Variants in SLC35F4 observed in about 807,000 individuals in gnomAD.
SLC35F4 encodes the protein chromosome 14 open reading frame 36.
Under a neutral mutation model 44.2 loss-of-function variants are expected in SLC35F4, and 24 were observed. The observed-to-expected ratio is 0.54, with a 90% confidence interval of 0.39 to 0.76. The LOEUF (loss-of-function observed/expected upper bound fraction) is 0.76, where lower values mean the gene tolerates loss of function less well. Ranked by LOEUF, SLC35F4 falls within the 30% of genes least tolerant of loss-of-function variation. The pLI, the probability that SLC35F4 is intolerant of heterozygous loss-of-function variation, is 0.00. For synonymous variants in SLC35F4, 238 were observed against 223.6 expected, an observed-to-expected ratio of 1.06 and a Z score of -0.57; for missense variants, 562 against 586.1, an observed-to-expected ratio of 0.96 and a Z score of 0.42.
intron 1 of SLC35F4, among the ~76,000 whole-genome samples, chr14:57,736,691 C>T (rs532154369): frequency 7.2e-5 from 11 of 152,322 alleles, no homozygotes; most frequent in Admixed American, 2.6e-4. Flanking sequence ...GACCATGAAC[C>T]TGACCCTTGT....
intron 1 of SLC35F4, among the ~76,000 whole-genome samples, chr14:57,805,485 T>C (rs1275545374): frequency 6.6e-6 from 1 of 152,138 alleles, no homozygotes; most frequent in South Asian, 2.1e-4. Flanking sequence ...TGGATGGAAT[T>C]GGAAGCCATT....
At chr14:57,880,197 C>G (rs1391959916) in intron 1 of SLC35F4, among the ~76,000 whole-genome samples, 1 of 152,072 alleles carries the variant, frequency 6.6e-6, no homozygotes, top group African/African-American at 2.4e-5. Context: ...CAACTTACTT[C>G]CTAGAACTAT....
At chr14:57,792,524 C>T (rs1338720038) in intron 1 of SLC35F4, among the ~76,000 whole-genome samples, 1 of 152,022 alleles carries the variant, frequency 6.6e-6, no homozygotes, top group Non-Finnish European at 1.5e-5. Flanking sequence ...GCCCATCAAC[C>T]AATGAGTGGA....
chr14:57,797,325 T>C (rs531937511), intron 1 of SLC35F4, among the ~76,000 whole-genome samples: 1 of 152,290 alleles, frequency 6.6e-6, no homozygotes, highest in South Asian at 2.1e-4. Context: ...GCATTTCCAA[T>C]GTAGCCAGGC....
chr14:57,717,580 G>C (rs1232156279), intron 1 of SLC35F4, among the ~76,000 whole-genome samples: 2 of 152,198 alleles, frequency 1.3e-5, no homozygotes, highest in Non-Finnish European at 2.9e-5. Context: ...AGCTTGCAGT[G>C]AGCCGAGATC....
intron 1 of SLC35F4, among the ~76,000 whole-genome samples, chr14:57,926,621 T>G (rs1889575862): frequency 6.6e-6 from 1 of 150,818 alleles, no homozygotes; most frequent in Non-Finnish European, 1.5e-5. Flanking sequence ...AAGTGAGGTA[T>G]GAGAAAATCC....
intron 1 of SLC35F4, among the ~76,000 whole-genome samples, chr14:57,925,484 AG>A (rs1889540074): frequency 1.1e-5 from 1 of 87,302 alleles, no homozygotes; most frequent in South Asian, 5.5e-4. Flanking sequence ...GAAAGAAGGA[AG>A]GAAGGAAGGA....
chr14:57,928,714 G>A (rs1384695324), intron 1 of SLC35F4, among the ~76,000 whole-genome samples: 1 of 152,144 alleles, frequency 6.6e-6, no homozygotes, highest in Non-Finnish European at 1.5e-5. Context: ...GTGAAGAAAA[G>A]CAATCAAAAT....
At chr14:57,691,278 A>G (rs1285920409) in intron 1 of SLC35F4, among the ~76,000 whole-genome samples, 3 of 152,228 alleles carry the variant, frequency 2.0e-5, no homozygotes, top group Non-Finnish European at 2.9e-5. Flanking sequence ...ATGAAATGCT[A>G]GTTAACATAT....
chr14:57,654,289 A>T (rs988275936), intron 1 of SLC35F4, among the ~76,000 whole-genome samples: 3 of 152,134 alleles, frequency 2.0e-5, no homozygotes, highest in African/African-American at 7.2e-5. Context: ...TATCATTCTT[A>T]TGCCTTTGCG....
At chr14:57,680,497 C>G (rs908157024) in intron 1 of SLC35F4, among the ~76,000 whole-genome samples, 3 of 152,008 alleles carry the variant, frequency 2.0e-5, no homozygotes, top group African/African-American at 4.8e-5. Flanking sequence ...CACTCCTATT[C>G]AACATATTGG....
At chr14:57,809,234 C>A (rs1247680096) in intron 1 of SLC35F4, among the ~76,000 whole-genome samples, 6 of 152,142 alleles carry the variant, frequency 3.9e-5, no homozygotes, top group Admixed American at 3.9e-4. Context: ...ACAAAGTTTG[C>A]ATGTAAGGGA....
chr14:57,874,358 A>C (rs928807329), intron 1 of SLC35F4, among the ~76,000 whole-genome samples: 1 of 152,236 alleles, frequency 6.6e-6, no homozygotes, highest in South Asian at 2.1e-4. Context: ...TGCTTCTCAG[A>C]GTACCTGTCA....
At chr14:57,793,573 T>C (rs537595810) in intron 1 of SLC35F4, among the ~76,000 whole-genome samples, 48 of 152,298 alleles carry the variant, frequency 3.2e-4, no homozygotes, top group Admixed American at 5.9e-4. Flanking sequence ...CATTATTTAA[T>C]TATTTTTTAT....
chr14:57,568,166 G>A (rs1295647136), intron 6 of SLC35F4, among the ~76,000 whole-genome samples: 1 of 152,196 alleles, frequency 6.6e-6, no homozygotes. Context: ...GGGTGGGCCT[G>A]GTAGAGCAGC....
chr14:57,663,927 A>AT (rs2074222162), intron 1 of SLC35F4, among the ~76,000 whole-genome samples: 1 of 152,124 alleles, frequency 6.6e-6, no homozygotes, highest in South Asian at 2.1e-4. Flanking sequence ...TCCTGTTTTT[A>AT]TTTTTTTGAA....
At chr14:57,785,333 C>T (rs965072250) in intron 1 of SLC35F4, among the ~76,000 whole-genome samples, 1 of 152,066 alleles carries the variant, frequency 6.6e-6, no homozygotes, top group Non-Finnish European at 1.5e-5. Flanking sequence ...GATAGATAAT[C>T]GAGCCCTCCA....
intron 1 of SLC35F4, among the ~76,000 whole-genome samples, chr14:57,775,662 T>C (rs55741236): frequency 0.14 from 21,089 of 152,132 alleles, 1,718 homozygotes; most frequent in Middle Eastern, 0.22. Flanking sequence ...GGAAAGCAAC[T>C]TCAGAGATTG....
Position 57,760,541 on chromosome 14 carries a change from A to G in SLC35F4, c.103+105182T>C, listed in dbSNP as rs187674754. On this transcript the variant is annotated intron_variant, in intron 1 of 7. Transcript: ENST00000556826. ...TTTTATAATTGTTTTTTCTATCTCT[A>G]TTGTGTGCTGGATATTTTTGTATTC... 1.2e-3 allele frequency among the ~76,000 whole-genome samples: 183 copies of G among 151,998 alleles called. 1 individual carries two copies. Among genetic ancestry groups the G allele is most frequent in the Admixed American group, 2.2e-3 (34 of 15,270 alleles).
Sources: allele counts gnomAD v4.1 joint callset (sites outside exome capture counted in the v4.1 genomes callset), GRCh38; gene constraint gnomAD v4.1.1; transcripts MANE v1.5; gene names NCBI Gene and HGNC (gene_info 2026-07-23, HGNC 2026-07-21).